Variants in MECOM observed in about 807,000 individuals in gnomAD.
The protein encoded by MECOM is MDS1 and EVI1 complex locus, also known as histone-lysine N-methyltransferase MECOM.
A neutral mutation model predicts 116.3 loss-of-function variants in MECOM; 13 were observed. That is an observed-to-expected ratio of 0.11 (90% CI 0.07 to 0.18). The LOEUF is 0.18. Among genes scored for constraint, MECOM ranks in the 10% least tolerant of loss-of-function variants. The probability of loss-of-function intolerance (pLI) is 1.00; values close to 1 mark genes in which losing one functional copy is unlikely to be tolerated. For missense variants in MECOM, 1,299 were observed against 1,509.0 expected (o/e 0.86, Z 2.31); for synonymous variants, 528 against 535.2 (o/e 0.99, Z 0.19).
intron 2 of MECOM, chr3:169,144,924 G>T: frequency 8.8e-7 from 1 of 1,141,738 alleles, no homozygotes; most frequent in Non-Finnish European, 1.3e-6. Context: ...AAACTCTTGA[G>T]TACTGAGACC....
chr3:169,149,250 G>A (rs893626678), intron 2 of MECOM, among the ~76,000 whole-genome samples: 1 of 152,070 alleles, frequency 6.6e-6, no homozygotes, highest in Non-Finnish European at 1.5e-5. Flanking sequence ...CAGGGGGTCT[G>A]GGAGCTCAGC....
chr3:169,446,416 T>G (rs1344799667), intron 1 of MECOM, among the ~76,000 whole-genome samples: 1 of 152,190 alleles, frequency 6.6e-6, no homozygotes, highest in Non-Finnish European at 1.5e-5. Flanking sequence ...CCTGCCATGA[T>G]TCTGAGGCTT....
chr3:169,125,058 C>T (rs965293591), intron 5 of MECOM, among the ~76,000 whole-genome samples: 7 of 152,152 alleles, frequency 4.6e-5, no homozygotes, highest in South Asian at 2.1e-4. Flanking sequence ...CAACTCTATT[C>T]GTACTGGCAC....
At chr3:169,647,649 C>T (rs909333311) in intron 1 of MECOM, among the ~76,000 whole-genome samples, 1 of 152,120 alleles carries the variant, frequency 6.6e-6, no homozygotes, top group African/African-American at 2.4e-5. Flanking sequence ...ATTCTTAATA[C>T]CCTCTTAGCA....
At chr3:169,290,142 A>C (rs143950581) in intron 2 of MECOM, among the ~76,000 whole-genome samples, 1 of 152,254 alleles carries the variant, frequency 6.6e-6, no homozygotes, top group African/African-American at 2.4e-5. Context: ...TCCAAATAAA[A>C]CAAATCATTT....
At chr3:169,428,414 T>C (rs1479721316) in intron 1 of MECOM, among the ~76,000 whole-genome samples, 3 of 152,124 alleles carry the variant, frequency 2.0e-5, no homozygotes, top group African/African-American at 7.2e-5. Context: ...TTCACTTGCC[T>C]ATGAGAATCG....
intron 2 of MECOM, among the ~76,000 whole-genome samples, chr3:169,351,537 T>C (rs1216075180): frequency 1.3e-5 from 2 of 151,892 alleles, no homozygotes; most frequent in Non-Finnish European, 2.9e-5. Flanking sequence ...ATACCTAAAA[T>C]GAATGTTTTA....
intron 1 of MECOM, among the ~76,000 whole-genome samples, chr3:169,416,561 C>G (rs1025700555): frequency 6.6e-6 from 1 of 150,990 alleles, no homozygotes; most frequent in African/African-American, 2.4e-5. Flanking sequence ...CACAAAAAAA[C>G]TCTTGAAAAA....
At chr3:169,181,235 T>C (rs1745933751) in intron 2 of MECOM, among the ~76,000 whole-genome samples, 1 of 152,146 alleles carries the variant, frequency 6.6e-6, no homozygotes, top group Non-Finnish European at 1.5e-5. Flanking sequence ...TTTCTGTAGA[T>C]CTATCCAGAC....
intron 1 of MECOM, among the ~76,000 whole-genome samples, chr3:169,648,441 C>T (rs987864723): frequency 1.3e-4 from 20 of 152,212 alleles, no homozygotes; most frequent in African/African-American, 4.6e-4. Flanking sequence ...TGATACAATG[C>T]TGCTTCATGG....
chr3:169,536,789 C>T (rs1464046311), intron 1 of MECOM, among the ~76,000 whole-genome samples: 3 of 152,076 alleles, frequency 2.0e-5, no homozygotes, highest in South Asian at 2.1e-4. Flanking sequence ...AGGATAATGA[C>T]AATAAATAGT....
chr3:169,574,282 C>T (rs1764245144), intron 1 of MECOM, among the ~76,000 whole-genome samples: 1 of 152,164 alleles, frequency 6.6e-6, no homozygotes, highest in Non-Finnish European at 1.5e-5. Context: ...GGACTGAGAT[C>T]TGGTGATTTC....
intron 2 of MECOM, among the ~76,000 whole-genome samples, chr3:169,231,778 A>G (rs1446006211): frequency 1.3e-5 from 2 of 152,052 alleles, no homozygotes; most frequent in African/African-American, 2.4e-5. Context: ...TGACCAGAAA[A>G]AAAAAAAAAG....
At chr3:169,418,814 G>C (rs1431472102) in intron 1 of MECOM, among the ~76,000 whole-genome samples, 2 of 151,988 alleles carry the variant, frequency 1.3e-5, no homozygotes, top group Non-Finnish European at 2.9e-5. Flanking sequence ...AAACCTGGAA[G>C]CATTCCTTTT....
At position 169,098,124 on chromosome 3, in the gene MECOM, CA is replaced by C. The variant is rs550607326; in HGVS notation, c.2849+2760del. ...CATATACCCTTCACCTCAGTTCCTC[CA>C]ATGTTAACATCTTACCTAACATTCA... is the stretch of plus-strand genomic sequence containing the variant. On this transcript the variant is annotated intron_variant, in intron 12 of 16. Transcript: ENST00000651503. Among the ~76,000 whole-genome samples, 171 of 152,160 alleles carry C rather than the reference CA, an allele frequency of 1.1e-3. 1 individual carries two copies. The highest frequency in any genetic ancestry group is 3.9e-3 in the African/African-American group (163 of 41,524).
intron 1 of MECOM, among the ~76,000 whole-genome samples, chr3:169,636,279 A>AGT (rs1246159179): frequency 3.3e-5 from 5 of 152,210 alleles, no homozygotes; most frequent in African/African-American, 1.2e-4. Context: ...ACACTTTCCT[A>AGT]AAACCAAGTT....
At chr3:169,645,851 A>T in intron 1 of MECOM, among the ~76,000 whole-genome samples, 1 of 152,098 alleles carries the variant, frequency 6.6e-6, no homozygotes, top group Non-Finnish European at 1.5e-5. Context: ...CCAGTTTCTC[A>T]TGTCTGGGAC....
intron 1 of MECOM, among the ~76,000 whole-genome samples, chr3:169,471,238 G>A (rs940023082): frequency 1.3e-5 from 2 of 151,984 alleles, no homozygotes; most frequent in African/African-American, 4.8e-5. Context: ...GCAATACACT[G>A]GCCTCGGCTT....
chr3:169,211,476 A>G (rs73172018), intron 2 of MECOM, among the ~76,000 whole-genome samples: 2,417 of 152,220 alleles, frequency 0.016, 27 homozygotes, highest in Middle Eastern at 0.027. Flanking sequence ...GTCTTGTCAA[A>G]TTGACCATCA....
Sources: allele counts gnomAD v4.1 joint callset (sites outside exome capture counted in the v4.1 genomes callset), GRCh38; gene constraint gnomAD v4.1.1; transcripts MANE v1.5; gene names NCBI Gene and HGNC (gene_info 2026-07-23, HGNC 2026-07-21).